Variants in EVI5 observed in about 807,000 individuals in gnomAD.
EVI5 encodes the protein ecotropic viral integration site 5.
Under a neutral mutation model 112.0 loss-of-function variants are expected in EVI5, and 73 were observed. The observed-to-expected ratio is 0.65, with a 90% CI of 0.54 to 0.79. The LOEUF is 0.79. EVI5 is among the 30% of genes least tolerant of loss of function. EVI5 has a pLI of 0.00. For synonymous variants in EVI5, 305 were observed against 319.9 expected (o/e 0.95, Z 0.50); for missense variants, 900 against 968.8 (o/e 0.93, Z 0.94).
chr1:92,556,010 G>C (rs954136838), intron 19 of EVI5, among the ~76,000 whole-genome samples: 1 of 151,414 alleles, frequency 6.6e-6, no homozygotes, highest in Non-Finnish European at 1.5e-5. Flanking sequence ...CCTAGATGAA[G>C]AGCAATGCTG....
intron 1 of EVI5, among the ~76,000 whole-genome samples, chr1:92,746,262 T>A (rs1679233592): frequency 6.6e-6 from 1 of 152,242 alleles, no homozygotes; most frequent in Non-Finnish European, 1.5e-5. Context: ...CTTTGCTCAA[T>A]TAAACTCTGT....
intron 1 of EVI5, among the ~76,000 whole-genome samples, chr1:92,768,125 T>A (rs1682912638): frequency 8.8e-6 from 1 of 114,208 alleles, no homozygotes. Context: ...TTTTATGCAA[T>A]GGTTAGTTTC....
At chr1:92,778,902 C>T (rs1684503225) in intron 1 of EVI5, among the ~76,000 whole-genome samples, 1 of 152,100 alleles carries the variant, frequency 6.6e-6, no homozygotes, top group African/African-American at 2.4e-5. Flanking sequence ...CTGTATGTAG[C>T]CACACCTAAT....
At chr1:92,618,192 G>C (rs1436533390) in intron 16 of EVI5, among the ~76,000 whole-genome samples, 1 of 152,148 alleles carries the variant, frequency 6.6e-6, no homozygotes, top group Non-Finnish European at 1.5e-5. Flanking sequence ...ACGGGTCCAG[G>C]AATCAAGGGG....
intron 10 of EVI5, among the ~76,000 whole-genome samples, chr1:92,667,127 A>G (rs1665066112): frequency 6.6e-6 from 1 of 152,166 alleles, no homozygotes; most frequent in Non-Finnish European, 1.5e-5. Context: ...TCTACAAAAA[A>G]TATAAAAATT....
intron 1 of EVI5, among the ~76,000 whole-genome samples, chr1:92,740,506 C>G (rs1266713788): frequency 6.6e-6 from 1 of 152,020 alleles, no homozygotes; most frequent in Non-Finnish European, 1.5e-5. Flanking sequence ...TTGATTCTCA[C>G]AAAACTGGCC....
intron 13 of EVI5, among the ~76,000 whole-genome samples, chr1:92,646,364 G>C (rs1457135097): frequency 1.3e-5 from 2 of 152,080 alleles, no homozygotes; most frequent in Non-Finnish European, 2.9e-5. Context: ...AAAGTTTATA[G>C]ACAATGCACT....
chr1:92,703,786 A>G (rs1043310533), intron 3 of EVI5, 167 bp from the exon 4 acceptor site: 6 of 575,636 alleles, frequency 1.0e-5, no homozygotes, highest in African/African-American at 2.0e-5. Context: ...CAAGGGTAAG[A>G]TTGGGCCCTG....
chr1:92,616,268 C>T (rs1653107892), intron 16 of EVI5, among the ~76,000 whole-genome samples: 1 of 152,150 alleles, frequency 6.6e-6, no homozygotes, highest in South Asian at 2.1e-4. Context: ...AGGGCAGCAC[C>T]TGCATCTTTG....
At chr1:92,643,619 G>A (rs991586316) in intron 13 of EVI5, among the ~76,000 whole-genome samples, 1 of 152,028 alleles carries the variant, frequency 6.6e-6, no homozygotes, top group Non-Finnish European at 1.5e-5. Context: ...AAACTACCAA[G>A]TGCCAGCGTA....
intron 1 of EVI5, among the ~76,000 whole-genome samples, chr1:92,781,930 G>A (rs1169025981): frequency 3.9e-5 from 5 of 127,854 alleles, no homozygotes; most frequent in Non-Finnish European, 6.3e-5. Flanking sequence ...ACTCCAACCT[G>A]GGCAACAGAG....
At chr1:92,575,874 C>T (rs918371217) in intron 18 of EVI5, among the ~76,000 whole-genome samples, 12 of 151,982 alleles carry the variant, frequency 7.9e-5, no homozygotes, top group African/African-American at 2.4e-4. Flanking sequence ...TGACCTTATG[C>T]ATTTTAGAAT....
At chr1:92,715,617 G>A (rs1348261736) in intron 2 of EVI5, among the ~76,000 whole-genome samples, 1 of 152,140 alleles carries the variant, frequency 6.6e-6, no homozygotes, top group African/African-American at 2.4e-5. Context: ...GTTGGACAGT[G>A]GGTGCAGCCC....
chr1:92,765,906 T>C (rs185799439), intron 1 of EVI5, among the ~76,000 whole-genome samples: 28 of 151,876 alleles, frequency 1.8e-4, no homozygotes, highest in African/African-American at 2.4e-5. Context: ...TGAGATCTCA[T>C]ATCCACAAAA....
chr1:92,592,418 G>A (rs1225092723), intron 18 of EVI5, among the ~76,000 whole-genome samples: 1 of 152,192 alleles, frequency 6.6e-6, no homozygotes, highest in African/African-American at 2.4e-5. Context: ...CACATTCCAA[G>A]CAGTGTGTAG....
intron 1 of EVI5, among the ~76,000 whole-genome samples, chr1:92,776,678 C>T (rs905900479): frequency 6.6e-6 from 1 of 151,522 alleles, no homozygotes; most frequent in East Asian, 1.9e-4. Context: ...CACTGTCACC[C>T]AAGCTGGAGT....
At chr1:92,659,552 C>T (rs1272718406) in intron 13 of EVI5, among the ~76,000 whole-genome samples, 2 of 152,100 alleles carry the variant, frequency 1.3e-5, no homozygotes. Flanking sequence ...TACCATCTTA[C>T]ACCAGTCAGA....
chr1:92,791,417 C>A (rs976418274), intron 1 of EVI5, among the ~76,000 whole-genome samples: 2 of 152,120 alleles, frequency 1.3e-5, no homozygotes, highest in African/African-American at 2.4e-5. Context: ...ACTGAAGTGA[C>A]AGTTAAGTGG....
Position 92,522,631 on chromosome 1 carries a change from CAA to C in EVI5, c.2167-8663_2167-8662del, listed in dbSNP as rs61277173. Reference sequence around the variant, plus strand: ...GGGTGACAGAGCAAGACTCCATCTCCAAAAAAAAAAAAAAAAAAAAGAATTTA... The same window carrying C: ...GGGTGACAGAGCAAGACTCCATCTCCAAAAAAAAAAAAAAAAAAGAATTTA... On this transcript the variant is annotated intron_variant, in intron 19 of 19. Coordinates refer to ENST00000684568, the MANE Select transcript of EVI5 (RefSeq NM_001350197.2). Among the ~76,000 whole-genome samples the C allele has an allele frequency of 7.2e-4, 51 of 70,508 alleles. 1 individual carries two copies. In the East Asian group the frequency reaches 0.021, roughly 29 times the overall value. 46.3% of individuals were successfully genotyped at this position (70,508 alleles called of 152,430 possible).
Sources: gnomAD v4.1 joint callset for allele counts (sites outside exome capture counted in the v4.1 genomes callset) on GRCh38, gnomAD v4.1.1 for gene constraint, MANE v1.5 for transcripts, NCBI Gene and HGNC (gene_info 2026-07-23, HGNC 2026-07-21) for gene names.